Variants in GRIP1 observed in about 807,000 individuals in gnomAD.
GRIP1 encodes glutamate receptor interacting protein 1.
Under a neutral mutation model 129.9 loss-of-function variants are expected in GRIP1, and 45 were observed. That is an observed-to-expected ratio of 0.35 (90% CI 0.27 to 0.44). The LOEUF (loss-of-function observed/expected upper bound fraction) is 0.44, where lower values mean the gene tolerates loss of function less well. GRIP1 is among the 20% of genes least tolerant of loss of function. The pLI is 1.00. For missense variants in GRIP1, 1,196 were observed against 1,396.8 expected, an observed-to-expected ratio of 0.86 and a Z score of 2.29; for synonymous variants, 530 against 520.8, an observed-to-expected ratio of 1.02 and a Z score of -0.24.
At chr12:67,036,435 C>A (rs1417606023) in intron 1 of GRIP1, among the ~76,000 whole-genome samples, 1 of 151,720 alleles carries the variant, frequency 6.6e-6, no homozygotes, top group East Asian at 1.9e-4. Flanking sequence ...TCAAGAGATT[C>A]TCCTACCTCA....
chr12:67,036,310 T>C (rs1053278602), intron 1 of GRIP1, among the ~76,000 whole-genome samples: 16 of 151,690 alleles, frequency 1.1e-4, no homozygotes, highest in Non-Finnish European at 2.2e-4. Flanking sequence ...AGTATAATCA[T>C]AAATAATAAT....
Position 66,347,757 on chromosome 12 carries a change from A to ATAT in GRIP1, c.*1261_*1262insATA, listed in dbSNP as rs1164545700. ...TTTTTTTTGCACAAAAAGAAAGGTGATTTTTTTTTTATATTTCCTTAAACA... is the reference window on the plus strand; with the variant it reads ...TTTTTTTTGCACAAAAAGAAAGGTGATATTTTTTTTTTTATATTTCCTTAAACA... On this transcript the variant is annotated 3_prime_UTR_variant, in exon 25 of 25. Transcript: ENST00000359742. 4 of 151,226 alleles carry ATAT rather than the reference A, an allele frequency of 2.6e-5. No individual in the cohort carries two copies. The highest frequency in any genetic ancestry group is 9.7e-5 in the African/African-American group (4 of 41,132). 9.4% of individuals were successfully genotyped at this position (151,226 alleles called of 1,614,324 possible).
chr12:66,579,671 A>AAC (rs578123654), intron 2 of GRIP1, among the ~76,000 whole-genome samples: 146 of 152,306 alleles, frequency 9.6e-4, no homozygotes, highest in African/African-American at 3.4e-3. Flanking sequence ...TGGAAGATGA[A>AAC]ACACGTGAAA....
chr12:66,487,477 T>C (rs1301315861), intron 7 of GRIP1, among the ~76,000 whole-genome samples: 1 of 152,040 alleles, frequency 6.6e-6, no homozygotes, highest in African/African-American at 2.4e-5. Flanking sequence ...AGCTCCTAAA[T>C]ATGGAAGCAC....
chr12:66,408,661 A>G (rs2057283082), intron 15 of GRIP1, among the ~76,000 whole-genome samples: 1 of 151,896 alleles, frequency 6.6e-6, no homozygotes. Flanking sequence ...GGAATAGTAA[A>G]AAGGACTTTA....
At chr12:66,910,101 T>C (rs915808152) in intron 1 of GRIP1, among the ~76,000 whole-genome samples, 2 of 152,154 alleles carry the variant, frequency 1.3e-5, no homozygotes, top group African/African-American at 4.8e-5. Context: ...TACATGCAAT[T>C]TCAGACACAG....
At chr12:66,711,614 T>A (rs2035715266) in intron 1 of GRIP1, among the ~76,000 whole-genome samples, 1 of 151,906 alleles carries the variant, frequency 6.6e-6, no homozygotes, top group African/African-American at 2.4e-5. Flanking sequence ...CTTGGTAGAA[T>A]AATTGAGTGC....
rs566933068 is a variant in GRIP1 at position 66,476,741 on chromosome 12, G to A, written c.725-11319C>T. 5.9e-5 allele frequency among the ~76,000 whole-genome samples: 9 copies of A among 152,210 alleles called. No individual in the cohort carries two copies. In the East Asian group the frequency reaches 1.2e-3, roughly 20 times the overall value. ...GTTCAACATACGCAAATCAATAAAC[G>A]TAATCCAGCATATAAACAGAACCAA... On this transcript the variant is annotated intron_variant, in intron 7 of 24. Coordinates refer to ENST00000359742, the MANE Select transcript of GRIP1 (RefSeq NM_001366722.1).
At chr12:66,919,165 A>C (rs1212759188) in intron 1 of GRIP1, among the ~76,000 whole-genome samples, 1 of 152,192 alleles carries the variant, frequency 6.6e-6, no homozygotes, top group East Asian at 1.9e-4. Context: ...AAATCTATGT[A>C]AATCCCAAAT....
intron 1 of GRIP1, among the ~76,000 whole-genome samples, chr12:66,895,302 C>G (rs2040728014): frequency 6.6e-6 from 1 of 152,140 alleles, no homozygotes; most frequent in African/African-American, 2.4e-5. Flanking sequence ...ATAAGTCTCA[C>G]AATATCTGAT....
intron 1 of GRIP1, among the ~76,000 whole-genome samples, chr12:66,619,568 C>G (rs889831474): frequency 1.3e-5 from 2 of 151,712 alleles, no homozygotes; most frequent in African/African-American, 4.8e-5. Context: ...TTGCCATGTG[C>G]CAGAAGTAAA....
intron 1 of GRIP1, among the ~76,000 whole-genome samples, chr12:66,733,411 G>A (rs544504481): frequency 6.6e-6 from 1 of 152,174 alleles, no homozygotes; most frequent in East Asian, 1.9e-4. Flanking sequence ...TTTCTGGATG[G>A]GACTTCTGAG....
At chr12:66,808,505 T>C (rs571789475), upstream of GRIP1, among the ~76,000 whole-genome samples, 7 of 152,002 alleles carry the variant, frequency 4.6e-5, no homozygotes, top group East Asian at 1.4e-3. Flanking sequence ...TTGAGACGGG[T>C]TTTCACTGAT....
At chr12:66,900,496 G>A (rs1440123787) in intron 1 of GRIP1, among the ~76,000 whole-genome samples, 2 of 152,112 alleles carry the variant, frequency 1.3e-5, no homozygotes, top group Non-Finnish European at 2.9e-5. Context: ...TGAAAAGTAA[G>A]TATCTTTTGC....
chr12:66,996,540 C>T (rs2042470088), intron 1 of GRIP1, among the ~76,000 whole-genome samples: 1 of 152,102 alleles, frequency 6.6e-6, no homozygotes, highest in African/African-American at 2.4e-5. Context: ...ATTATCTTCA[C>T]TTCATCAATT....
intron 1 of GRIP1, among the ~76,000 whole-genome samples, chr12:66,746,417 C>A (rs1236500138): frequency 6.6e-6 from 1 of 152,288 alleles, no homozygotes; most frequent in South Asian, 2.1e-4. Context: ...GCACTTCAGA[C>A]CTGTTCATTC....
Position 66,371,758 on chromosome 12 carries a change from G to T in GRIP1, c.2948C>A (p.Thr983Asn), listed in dbSNP as rs1565674378. ...TATTTCTTGTTTCATTTTTCTCAGG[G>T]TTACTGACTTCCTACCCACATCTGA... is the stretch of plus-strand genomic sequence containing the variant. ...LPSDVGRKSV[T>N]LRKMKQEIKE... The change falls in exon 23 of 25, where the codon ACC becomes AAC. Residue 983 changes from threonine to asparagine, a missense_variant. Thr to Asn is a moderately conservative substitution (Grantham distance 65, BLOSUM62 0). Around this residue, in one of 5 missense-constraint regions of GRIP1, gnomAD observed 427 missense variants for 463.3 expected, o/e 0.92. Coordinates refer to ENST00000359742, the MANE Select transcript of GRIP1 (RefSeq NM_001366722.1). 5 of 1,614,048 alleles carry T rather than the reference G, an allele frequency of 3.1e-6. No homozygotes were observed. Among genetic ancestry groups the T allele is most frequent in the South Asian group, 2.2e-5 (2 of 91,078 alleles).
chr12:66,440,004 T>C (rs2058426784), intron 13 of GRIP1, among the ~76,000 whole-genome samples: 1 of 152,198 alleles, frequency 6.6e-6, no homozygotes, highest in Non-Finnish European at 1.5e-5. Context: ...TCTGGTTGGT[T>C]TCCTCATGCA....
At chr12:66,495,841 G>A (rs1015709299) in intron 7 of GRIP1, among the ~76,000 whole-genome samples, 1 of 152,204 alleles carries the variant, frequency 6.6e-6, no homozygotes, top group African/African-American at 2.4e-5. Context: ...GAAGTCAGAG[G>A]TCCCAGAGTT....
Sources: gnomAD v4.1 joint callset for allele counts (sites outside exome capture counted in the v4.1 genomes callset) on GRCh38, gnomAD v4.1.1 for gene constraint, gnomAD v4.1.1 regional missense constraint, MANE v1.5 for transcripts, NCBI Gene and HGNC (gene_info 2026-07-23, HGNC 2026-07-21) for gene names.